CYP2D6: variants seen among roughly 807,000 people sequenced by gnomAD.
CYP2D6 encodes the protein cytochrome P450 2D6.
Under a neutral mutation model 43.5 loss-of-function variants are expected in CYP2D6, and 51 were observed. That is an observed-to-expected ratio of 1.17 (90% CI 0.94 to 1.48). CYP2D6 has a LOEUF of 1.48. CYP2D6 is among the 40% of genes most tolerant of loss of function. The pLI, the probability that CYP2D6 is intolerant of heterozygous loss-of-function variation, is 0.00. For missense variants in CYP2D6, 698 were observed against 688.0 expected (o/e 1.01, Z -0.16); for synonymous variants, 346 against 297.1 (o/e 1.16, Z -1.69).
In CYP2D6 at chr22:42,126,639, G is replaced by T. The variant is rs1213908523; in HGVS notation, c.1429C>A (p.His477Asn). The change falls in exon 9 of 9, where the codon CAC becomes AAC. Residue 477 changes from histidine (H) to asparagine (N), a missense_variant. His to Asn is a moderately conservative substitution (Grantham distance 68). Around this residue, in one of 5 missense-constraint regions of CYP2D6, gnomAD observed 85 missense variants for 81.2 expected, o/e 1.05. Coordinates refer to ENST00000645361, the MANE Select transcript of CYP2D6 (RefSeq NM_000106.6). ...ACCAGGAAAGCAAAGACACCATGGTGGCTGGGCCGGGGCTGTCCAGTGGGC... is the reference window on the plus strand; with the variant it reads ...ACCAGGAAAGCAAAGACACCATGGTTGCTGGGCCGGGGCTGTCCAGTGGGC... Reference protein sequence around the residue: ...SVPTGQPRPSHHGVFAFLVSP... With the variant: ...SVPTGQPRPSNHGVFAFLVSP... 1.9e-6 allele frequency: 3 copies of T among 1,609,426 alleles called. No homozygotes were observed. The highest frequency in any genetic ancestry group is 1.7e-5 in the Admixed American group (1 of 59,574).
In CYP2D6 at chr22:42,127,833, T is replaced by C. The variant is rs148250267; in HGVS notation, c.985+9A>G. On this transcript the variant is annotated intron_variant, in intron 6 of 8. Coordinates refer to ENST00000645361, the MANE Select transcript of CYP2D6 (RefSeq NM_000106.6). ...CTCGGCCCCTGCACTGTTTCCCAGA[T>C]GGGCTCACGCTGCACATCCGGATGT... 2 of 1,610,754 alleles carry C rather than the reference T, an allele frequency of 1.2e-6. No homozygotes were observed. Among genetic ancestry groups the C allele is most frequent in the Non-Finnish European group, 1.7e-6 (2 of 1,177,900 alleles).
rs926585176 is a variant in CYP2D6 at position 42,130,152 on chromosome 22, A to G, written c.181-243T>C. 3 of 528,768 alleles carry G rather than the reference A, an allele frequency of 5.7e-6. No individual in the cohort carries two copies. In the Admixed American group the frequency reaches 1.1e-4, roughly 20 times the overall value. The allele number at this position is 528,768 out of a possible 1,614,324, so 32.8% of individuals were successfully genotyped here. A position where few individuals can be genotyped will look rare whatever the true frequency, so the allele number is the denominator to read the frequency against. ...GTCACCAAAATTGCCGAGAGGCCCC[A>G]GTTAGCATCCCATTCCCAGATGATG... On this transcript the variant is annotated intron_variant, in intron 1 of 8. Transcript: ENST00000645361.
In CYP2D6 at chr22:42,129,727, C is replaced by T. The variant is rs202246213; in HGVS notation, c.352+11G>A. On this transcript the variant is annotated intron_variant, in intron 2 of 8. Transcript: ENST00000645361. ...CCACGGAAATCTGTCTCTGTCCCCA[C>T]CGCTGCTTGCCTTGGGAACGCGGCC... 5.8e-5 allele frequency: 93 copies of T among 1,609,740 alleles called. 2 individuals are homozygous for T. In the Admixed American group the frequency reaches 1.1e-3, roughly 20 times the overall value.
chr22:42,129,511 C>A, intron 2 of CYP2D6: 1 of 728,948 alleles, frequency 1.4e-6, no homozygotes, highest in South Asian at 1.7e-5. Flanking sequence ...CAGCCTCACC[C>A]ATTGGGCTCC....
intron 8 of CYP2D6, 49 bp from the exon 9 acceptor site, chr22:42,126,801 C>T (rs1458579466): frequency 1.3e-6 from 2 of 1,546,186 alleles, no homozygotes; most frequent in Non-Finnish European, 8.7e-7. Context: ...GGGTGATACC[C>T]CTGCAAGACT....
chr22:42,128,955 G>A lies in CYP2D6; in HGVS notation c.506-11C>T, dbSNP rs542441729. On this transcript the variant is annotated splice_polypyrimidine_tract_variant and intron_variant, in intron 3 of 8. Transcript: ENST00000645361. The stretch of plus-strand genomic sequence containing the variant: ...GGCGAAAGGGGCGTCCTGGGGGTGG[G>A]AGATGCGGGTAAGGGGTCGCCTTCC... 7 of 1,583,936 alleles carry A rather than the reference G, an allele frequency of 4.4e-6. No homozygotes were observed. In the Admixed American group the frequency reaches 9.1e-5, roughly 21 times the overall value.
In CYP2D6 at chr22:42,129,183, C is replaced by A. The variant is rs374616348; in HGVS notation, c.355G>T (p.Val119Leu). The A allele has an allele frequency of 1.9e-5, 31 of 1,604,110 alleles. No individual in the cohort carries two copies. In the African/African-American group the frequency reaches 2.8e-4, roughly 15 times the overall value. The change falls in exon 3 of 9, where the codon GTG becomes TTG. Residue 119 changes from valine to leucine, a missense_variant and splice_region_variant. Transcript: ENST00000645361. ...GCGGGCCCATAGCGCGCCAGGAACA[C>A]CCCTGGGGGTGGGACGGGCACGTGC... The part of the protein sequence containing the change: ...ILGFGPRSQG[V>L]FLARYGPAWR...
intron 2 of CYP2D6, 27 bp from the exon 3 acceptor site, chr22:42,129,212 T>G (rs772046082): frequency 1.3e-6 from 2 of 1,597,590 alleles, no homozygotes; most frequent in Non-Finnish European, 8.5e-7. Context: ...CACGTGCGCG[T>G]GGCCATGAAG....
At position 42,126,953 on chromosome 22, in the gene CYP2D6, C is replaced by A. The variant is rs1931012442; in HGVS notation, c.1213G>T (p.Asp405Tyr). The change falls in exon 8 of 9, where the codon GAT becomes TAT. Residue 405 changes from aspartate (D) to tyrosine (Y), a missense_variant. By Grantham distance (160) the Asp-to-Tyr change is radical. Coordinates refer to ENST00000645361, the MANE Select transcript of CYP2D6 (RefSeq NM_000106.6). ...LITNLSSVLK[D>Y]EAVWEKPFRF... ...AAGGGCTTCTCCCAGACGGCCTCATCCTTCAGCACCGATGACAGGTTGGTG... is the reference window on the plus strand; with the variant it reads ...AAGGGCTTCTCCCAGACGGCCTCATACTTCAGCACCGATGACAGGTTGGTG... 1 of 1,609,242 alleles carries A rather than the reference C, an allele frequency of 6.2e-7. No homozygotes were observed. The highest frequency in any genetic ancestry group is 2.2e-5 in the East Asian group (1 of 44,700).
chr22:42,129,012 G>A (rs1309804146), intron 3 of CYP2D6, 21 bp downstream of exon 3: 5 of 1,600,040 alleles, frequency 3.1e-6, no homozygotes, highest in South Asian at 1.1e-5. Flanking sequence ...CCCGCTTTGT[G>A]CCCTTCTGCC....
rs1353497796 is a variant in CYP2D6, at chr22:42,128,938, G to A, written c.512C>T (p.Pro171Leu). 1 of 1,586,944 alleles carries A rather than the reference G, an allele frequency of 6.3e-7. No individual in the cohort carries two copies. The change falls in exon 4 of 9, where the codon CCC becomes CTC. Residue 171 changes from proline (P) to leucine (L), a missense_variant. Physicochemically the swap from Pro to Leu is moderately conservative, Grantham distance 98. This residue lies in a region of CYP2D6 where 588 missense variants were observed against 521.1 expected (regional missense o/e 1.13). Coordinates refer to ENST00000645361, the MANE Select transcript of CYP2D6 (RefSeq NM_000106.6). ...CAAFANHSGR[P>L]FRPNGLLDKA... Reference sequence around the variant, plus strand: ...GTCCAAGAGACCGTTGGGGCGAAAGGGGCGTCCTGGGGGTGGGAGATGCGG... The same window carrying A: ...GTCCAAGAGACCGTTGGGGCGAAAGAGGCGTCCTGGGGGTGGGAGATGCGG...
chr22:42,128,144 C>G (rs774769754), intron 5 of CYP2D6, 30 bp downstream of exon 5: 1 of 1,590,864 alleles, frequency 6.3e-7, no homozygotes, highest in Non-Finnish European at 8.6e-7. Context: ...ACCCACCACC[C>G]TTGCCCCCCA....
rs944908994 is a variant in CYP2D6 at position 42,129,718 on chromosome 22, C to G, written c.352+20G>C. 3.7e-6 allele frequency: 6 copies of G among 1,609,378 alleles called. No individual in the cohort carries two copies. Among genetic ancestry groups the G allele is most frequent in the Non-Finnish European group, 4.2e-6 (5 of 1,177,978 alleles). The stretch of plus-strand genomic sequence containing the variant: ...ACCCGGGTCCCACGGAAATCTGTCT[C>G]TGTCCCCACCGCTGCTTGCCTTGGG... On this transcript the variant is annotated intron_variant, in intron 2 of 8. Coordinates refer to ENST00000645361, the MANE Select transcript of CYP2D6 (RefSeq NM_000106.6).
intron 2 of CYP2D6, 70 bp downstream of exon 2, chr22:42,129,668 C>A: frequency 6.3e-7 from 1 of 1,590,244 alleles, no homozygotes. Context: ...CCCTCTCTGC[C>A]CAGCTCGGAC....
intron 6 of CYP2D6, 96 bp from the exon 7 acceptor site, chr22:42,127,730 A>G (rs1931167544): frequency 1.9e-6 from 3 of 1,571,036 alleles, no homozygotes; most frequent in South Asian, 1.1e-5. Flanking sequence ...TCAGGCTTAC[A>G]GGATCCTGGT....
chr22:42,127,438 C>G lies in CYP2D6; in HGVS notation c.1173+9G>C. 1.9e-6 allele frequency: 3 copies of G among 1,601,816 alleles called. No homozygotes were observed. The highest frequency in any genetic ancestry group is 2.6e-6 in the Non-Finnish European group (3 of 1,170,230). ...TGCTGAGCTGGGGTGAGGAGGGCGC[C>G]AGGCCTACCTTAGGGATGCGGAAGC... On this transcript the variant is annotated intron_variant, in intron 7 of 8. Transcript: ENST00000645361.
chr22:42,126,755 G>T lies in CYP2D6; in HGVS notation c.1316-3C>A. ...CTCCCCGAGGCATGCACGGCGGCCT[G>T]TGGGGAGGGGAGGGGCGTCAGTGAG... On this transcript the variant is annotated splice_polypyrimidine_tract_variant and splice_region_variant and intron_variant, in intron 8 of 8. Coordinates refer to ENST00000645361, the MANE Select transcript of CYP2D6 (RefSeq NM_000106.6). The T allele has an allele frequency of 6.5e-7, 1 of 1,548,522 alleles. No individual in the cohort carries two copies. Among genetic ancestry groups the T allele is most frequent in the South Asian group, 1.2e-5 (1 of 83,948 alleles).
intron 2 of CYP2D6, 60 bp downstream of exon 2, chr22:42,129,678 C>T: frequency 2.5e-6 from 4 of 1,598,476 alleles, no homozygotes; most frequent in Non-Finnish European, 3.4e-6. Context: ...CCAGCTCGGA[C>T]TACGGTCATC....
At chr22:42,129,412 G>A (rs899184748) in intron 2 of CYP2D6, 3 of 780,988 alleles carry the variant, frequency 3.8e-6, no homozygotes, top group Non-Finnish European at 6.6e-6. Context: ...GGAAGACCCC[G>A]CGGGCCCCGC....
Sources: allele counts gnomAD v4.1 joint callset, GRCh38; gene constraint gnomAD v4.1.1; regional missense constraint gnomAD v4.1.1; transcripts MANE v1.5; gene names NCBI Gene and HGNC (gene_info 2026-07-23, HGNC 2026-07-21).